Variants in CFAP299 observed in about 807,000 individuals in gnomAD.
CFAP299 encodes cilia and flagella associated protein 299, also known as cilia- and flagella-associated protein 299.
CFAP299 carries 21 observed loss-of-function variants against 27.0 expected under a neutral mutation model. That is an observed-to-expected ratio of 0.78 (90% CI 0.55 to 1.12). The LOEUF is 1.12. Among genes scored for constraint, CFAP299 ranks in the 50% most tolerant of loss-of-function variants. The pLI, the probability that CFAP299 is intolerant of heterozygous loss-of-function variation, is 0.00. For missense variants in CFAP299, 310 were observed against 276.6 expected (o/e 1.12, Z -0.86); for synonymous variants, 104 against 98.1 (o/e 1.06, Z -0.36).
intron 2 of CFAP299, among the ~76,000 whole-genome samples, chr4:80,535,665 C>G (rs1380426158): frequency 6.6e-6 from 1 of 152,146 alleles, no homozygotes; most frequent in Non-Finnish European, 1.5e-5. Flanking sequence ...TCAAAAAACT[C>G]TCTTCCTGTT....
intron 3 of CFAP299, among the ~76,000 whole-genome samples, chr4:80,629,815 G>T (rs1739112765): frequency 6.6e-6 from 1 of 151,394 alleles, no homozygotes; most frequent in African/African-American, 2.4e-5. Context: ...GGGAGACAGG[G>T]GTTGCAGTGA....
intron 4 of CFAP299, among the ~76,000 whole-genome samples, chr4:80,928,475 T>A (rs143219344): frequency 7.2e-5 from 11 of 152,152 alleles, no homozygotes; most frequent in African/African-American, 2.4e-4. Context: ...GAAGGAAAAG[T>A]ATGGTGATTA....
At chr4:80,765,414 GA>G (rs939991145) in intron 3 of CFAP299, among the ~76,000 whole-genome samples, 2 of 151,650 alleles carry the variant, frequency 1.3e-5, no homozygotes, top group African/African-American at 4.8e-5. Flanking sequence ...GATTCCCATA[GA>G]AAAAAACAGA....
chr4:80,756,202 TAA>T (rs1395087062), intron 3 of CFAP299, among the ~76,000 whole-genome samples: 2 of 152,156 alleles, frequency 1.3e-5, no homozygotes, highest in Non-Finnish European at 2.9e-5. Context: ...TTCTGCACCC[TAA>T]GTCTTTTCAA....
At chr4:80,954,414 A>G (rs1455846369) in intron 5 of CFAP299, among the ~76,000 whole-genome samples, 1 of 152,206 alleles carries the variant, frequency 6.6e-6, no homozygotes, top group Non-Finnish European at 1.5e-5. Context: ...AGAATATGGA[A>G]TACAATAGCA....
chr4:80,806,743 A>G (rs1447829216), intron 3 of CFAP299, among the ~76,000 whole-genome samples: 1 of 152,228 alleles, frequency 6.6e-6, no homozygotes, highest in Non-Finnish European at 1.5e-5. Flanking sequence ...TTGCTGGTGA[A>G]AGTGGCAGCC....
intron 2 of CFAP299, chr4:80,386,581 T>C: frequency 6.3e-7 from 1 of 1,597,874 alleles, no homozygotes; most frequent in Admixed American, 1.7e-5. Flanking sequence ...AGCGGTGATC[T>C]TTGAGGTATT....
At chr4:80,579,839 A>G (rs552736772) in intron 2 of CFAP299, among the ~76,000 whole-genome samples, 15 of 152,186 alleles carry the variant, frequency 9.9e-5, no homozygotes, top group African/African-American at 3.6e-4. Context: ...AATTTAAAAA[A>G]CCTTGAAGGC....
intron 2 of CFAP299, among the ~76,000 whole-genome samples, chr4:80,385,431 A>G (rs935883667): frequency 6.6e-6 from 1 of 151,958 alleles, no homozygotes; most frequent in African/African-American, 2.4e-5. Flanking sequence ...TACACTACAT[A>G]TACTATATTT....
At chr4:80,670,036 C>A (rs539693674) in intron 3 of CFAP299, among the ~76,000 whole-genome samples, 9 of 151,654 alleles carry the variant, frequency 5.9e-5, no homozygotes, top group African/African-American at 2.2e-4. Context: ...TTGTGCACAA[C>A]GTGCAGGCTT....
At chr4:80,687,537 T>C (rs1485437029) in intron 3 of CFAP299, among the ~76,000 whole-genome samples, 1 of 152,170 alleles carries the variant, frequency 6.6e-6, no homozygotes, top group Non-Finnish European at 1.5e-5. Context: ...GTTTGAGTCT[T>C]GTATCCAACA....
At chr4:80,851,531 G>T (rs1320474302) in intron 3 of CFAP299, among the ~76,000 whole-genome samples, 1 of 152,126 alleles carries the variant, frequency 6.6e-6, no homozygotes. Context: ...AAGAAGGAAT[G>T]ATTGCCTTTG....
chr4:80,870,754 A>C, intron 4 of CFAP299: 1 of 985,362 alleles, frequency 1.0e-6, no homozygotes, highest in Non-Finnish European at 1.2e-6. Context: ...TAGAACCCCA[A>C]AATTAAGTAG....
chr4:80,577,493 C>T (rs1735931954), intron 2 of CFAP299, among the ~76,000 whole-genome samples: 2 of 149,064 alleles, frequency 1.3e-5, no homozygotes, highest in African/African-American at 5.0e-5. Flanking sequence ...ACCTCTGCCT[C>T]CCAGGTTCAA....
intron 3 of CFAP299, among the ~76,000 whole-genome samples, chr4:80,761,572 A>C (rs756624013): frequency 1.1e-4 from 17 of 152,098 alleles, no homozygotes; most frequent in Non-Finnish European, 2.4e-4. Context: ...CAAGCTATAA[A>C]AACTAGAATG....
intron 2 of CFAP299, among the ~76,000 whole-genome samples, chr4:80,527,770 CT>C (rs1335258303): frequency 3.3e-5 from 5 of 151,850 alleles, no homozygotes; most frequent in Non-Finnish European, 7.4e-5. Flanking sequence ...CTTATAATTG[CT>C]TTTTTTCAAC....
chr4:80,853,506 T>C (rs1215982741), intron 3 of CFAP299, among the ~76,000 whole-genome samples: 2 of 152,184 alleles, frequency 1.3e-5, no homozygotes, highest in Admixed American at 6.6e-5. Context: ...GAAATCTATA[T>C]GAAGTGAGAG....
chr4:80,576,195 A>ATATATATATAT (rs1221226539), intron 2 of CFAP299, among the ~76,000 whole-genome samples: 2 of 40,834 alleles, frequency 4.9e-5, no homozygotes, highest in Non-Finnish European at 7.5e-5. Context: ...AATAAAAAAA[A>ATATATATATAT]AAATATATAT....
At chr4:80,937,347 C>T in intron 4 of CFAP299, among the ~76,000 whole-genome samples, 1 of 74,376 alleles carries the variant, frequency 1.3e-5, no homozygotes, top group Non-Finnish European at 2.2e-5. Flanking sequence ...GACAGGGTCT[C>T]ACTCTGTTTC....
Sources: gnomAD v4.1 joint callset for allele counts (sites outside exome capture counted in the v4.1 genomes callset) on GRCh38, gnomAD v4.1.1 for gene constraint, MANE v1.5 for transcripts, NCBI Gene and HGNC (gene_info 2026-07-23, HGNC 2026-07-21) for gene names.